Variants in EML1 observed in about 807,000 individuals in gnomAD.
EML1 encodes echinoderm microtubule-associated protein-like 1.
EML1 carries 27 observed loss-of-function variants against 110.4 expected under a neutral mutation model. The observed-to-expected ratio is 0.24, with a 90% CI of 0.18 to 0.34. The LOEUF (loss-of-function observed/expected upper bound fraction) is 0.34. EML1 is among the 10% of genes least tolerant of loss of function. EML1 has a pLI of 1.00. For synonymous variants in EML1, 344 were observed against 385.8 expected, an observed-to-expected ratio of 0.89 and a Z score of 1.27; for missense variants, 741 against 1,030.9, an observed-to-expected ratio of 0.72 and a Z score of 3.85.
chr14:99,932,715 T>C (rs1001631166), intron 17 of EML1, among the ~76,000 whole-genome samples: 2 of 151,820 alleles, frequency 1.3e-5, no homozygotes, highest in African/African-American at 4.8e-5. Context: ...CCTCGAACCA[T>C]GCACTTGAAA....
intron 1 of EML1, among the ~76,000 whole-genome samples, chr14:99,845,267 T>C (rs1379961176): frequency 2.0e-5 from 3 of 152,236 alleles, no homozygotes; most frequent in African/African-American, 7.2e-5. Context: ...TGACTAATGA[T>C]GTTGAACATC....
Position 99,875,093 on chromosome 14 carries a change from A to G in EML1, c.384-3392A>G, listed in dbSNP as rs1191121. On this transcript the variant is annotated intron_variant, in intron 3 of 21. Coordinates refer to ENST00000262233, the MANE Select transcript of EML1 (RefSeq NM_004434.3). ...AGGTCTTGTCCAGTGCCTACCATTC[A>G]TCAAGTCATCAATCATGTAACTATA... 363,502 of 982,272 alleles carry G rather than the reference A, an allele frequency of 0.37. 69,179 individuals carry two copies. Among genetic ancestry groups the G allele is most frequent in the South Asian group, 0.48 (30,478 of 63,408 alleles). The allele number at this position is 982,272 out of a possible 1,614,324, so 60.8% of individuals were successfully genotyped here.
intron 1 of EML1, among the ~76,000 whole-genome samples, chr14:99,834,532 C>T (rs2058509503): frequency 6.6e-6 from 1 of 152,130 alleles, no homozygotes; most frequent in African/African-American, 2.4e-5. Flanking sequence ...AAACACCTGA[C>T]CTCAGGTTAT....
intron 15 of EML1, chr14:99,915,521 CACTG>C (rs897341180): frequency 6.6e-6 from 1 of 151,756 alleles, no homozygotes; most frequent in Non-Finnish European, 1.5e-5. Context: ...ATTACTTGAG[CACTG>C]ACTGTTTGCA....
chr14:99,858,185 CT>C (rs780232044), intron 2 of EML1, among the ~76,000 whole-genome samples: 438 of 134,880 alleles, frequency 3.2e-3, no homozygotes, highest in South Asian at 8.5e-3. Flanking sequence ...CTCCTCATTC[CT>C]TTTTTTTTTT....
chr14:99,836,771 G>A (rs115913963), intron 1 of EML1, among the ~76,000 whole-genome samples: 2,409 of 152,042 alleles, frequency 0.016, 47 homozygotes, highest in African/African-American at 0.054. Flanking sequence ...TAAATATTTC[G>A]AGCTTTGTAC....
chr14:99,862,324 G>A (rs1469863037), intron 2 of EML1, among the ~76,000 whole-genome samples: 1 of 152,204 alleles, frequency 6.6e-6, no homozygotes, highest in Admixed American at 6.5e-5. Flanking sequence ...ATCTGGCTGA[G>A]GGGGTGTTGG....
chr14:99,914,083 T>A, intron 13 of EML1, 96 bp from the exon 14 acceptor site: 2 of 1,464,056 alleles, frequency 1.4e-6, no homozygotes, highest in Non-Finnish European at 9.3e-7. Context: ...ATAAAACTGT[T>A]ATAGGGACTA....
intron 1 of EML1, among the ~76,000 whole-genome samples, chr14:99,796,925 G>A (rs2057786507): frequency 7.2e-6 from 1 of 138,422 alleles, no homozygotes; most frequent in South Asian, 2.4e-4. Context: ...GTGTGTGTGT[G>A]TGTGTGTGTG....
chr14:99,860,045 G>T (rs1037540997), intron 2 of EML1, among the ~76,000 whole-genome samples: 1 of 152,084 alleles, frequency 6.6e-6, no homozygotes, highest in Non-Finnish European at 1.5e-5. Context: ...CGTGTGCTGT[G>T]TCTTCCAGCT....
At position 99,781,365 on chromosome 14, in the gene EML1, G is replaced by C. The variant is rs1246428496; in HGVS notation, c.-27+7352G>C. On this transcript the variant is annotated intron_variant, in intron 1 of 22. Transcript: ENST00000327921. The surrounding 1 kb of genome is among the most constrained non-coding windows in gnomAD (Gnocchi z 4.2). ...TCCCATGCTGTATGGCATCCTCACTGCCAAGGCCATGCCCTCCCCCTGCAC... is the reference window on the plus strand; with the variant it reads ...TCCCATGCTGTATGGCATCCTCACTCCCAAGGCCATGCCCTCCCCCTGCAC... 6.6e-6 allele frequency among the ~76,000 whole-genome samples: 1 copy of C among 151,874 alleles called. No individual in the cohort carries two copies. Among genetic ancestry groups the C allele is most frequent in the Non-Finnish European group, 1.5e-5 (1 of 67,986 alleles).
chr14:99,793,350 A>G (rs917306075), upstream of EML1: 7 of 985,520 alleles, frequency 7.1e-6, 1 homozygote, highest in South Asian at 1.8e-4. Flanking sequence ...GGTAACCGGC[A>G]GCAGCAGCCG....
chr14:99,877,671 T>C (rs1459040087), intron 3 of EML1, among the ~76,000 whole-genome samples: 1 of 152,178 alleles, frequency 6.6e-6, no homozygotes, highest in Non-Finnish European at 1.5e-5. Flanking sequence ...GTGGAACGTT[T>C]CTGTCGTTAC....
chr14:99,844,626 G>A (rs965976291), intron 1 of EML1, among the ~76,000 whole-genome samples: 9 of 152,110 alleles, frequency 5.9e-5, no homozygotes, highest in African/African-American at 2.2e-4. Context: ...ATGGTTTAAT[G>A]TAACAACCAC....
At chr14:99,782,824 T>G (rs148805563) in intron 1 of EML1, among the ~76,000 whole-genome samples, 164 of 152,240 alleles carry the variant, frequency 1.1e-3, no homozygotes, top group Non-Finnish European at 2.1e-3. Flanking sequence ...GTAGTGAGAC[T>G]TTTCCTGGAC....
chr14:99,829,141 C>T (rs2058408559), intron 1 of EML1, among the ~76,000 whole-genome samples: 1 of 152,224 alleles, frequency 6.6e-6, no homozygotes, highest in South Asian at 2.1e-4. Context: ...ACTGTACAGA[C>T]TGGGCCCTTC....
chr14:99,761,406 C>T (rs1001740312), intron 1 of EML1, among the ~76,000 whole-genome samples: 1 of 152,174 alleles, frequency 6.6e-6, no homozygotes, highest in African/African-American at 2.4e-5. Flanking sequence ...GCTGGCAGAG[C>T]GGTGTGCTGG....
chr14:99,807,734 G>T (rs73354563), intron 1 of EML1, among the ~76,000 whole-genome samples: 22,142 of 152,224 alleles, frequency 0.15, 1,872 homozygotes, highest in East Asian at 0.37. Flanking sequence ...GGGAGAGAGG[G>T]TGGAGACGGG....
At chr14:99,788,881 C>T (rs925559579), upstream of EML1, among the ~76,000 whole-genome samples, 2 of 152,190 alleles carry the variant, frequency 1.3e-5, no homozygotes, top group African/African-American at 4.8e-5. Flanking sequence ...AATTTGACAA[C>T]CCTAGGCACT....
Sources: allele counts gnomAD v4.1 joint callset (sites outside exome capture counted in the v4.1 genomes callset), GRCh38; gene constraint gnomAD v4.1.1; non-coding constraint Gnocchi (gnomAD v3.1); transcripts MANE v1.5; gene names NCBI Gene and HGNC (gene_info 2026-07-23, HGNC 2026-07-21).